Variants in NDUFAF6 observed in about 807,000 individuals in gnomAD.
NDUFAF6 encodes the protein NADH:ubiquinone oxidoreductase complex assembly factor 6, also known as NADH dehydrogenase (ubiquinone) complex I, assembly factor 6.
NDUFAF6 carries 45 observed loss-of-function variants against 40.8 expected under a neutral mutation model. The ratio of observed to expected loss-of-function variants is 1.10; its 90% confidence interval spans 0.87 to 1.42. NDUFAF6 has a LOEUF of 1.42. Among genes scored for constraint, NDUFAF6 ranks in the 40% most tolerant of loss-of-function variants. The pLI is 0.00. For synonymous variants in NDUFAF6, 185 were observed against 155.9 expected, an observed-to-expected ratio of 1.19 and a Z score of -1.39; for missense variants, 435 against 418.5, an observed-to-expected ratio of 1.04 and a Z score of -0.34.
chr8:94,999,422 T>C (rs1201662955), intron 2 of NDUFAF6, among the ~76,000 whole-genome samples: 1 of 135,248 alleles, frequency 7.4e-6, no homozygotes, highest in Non-Finnish European at 1.6e-5. Flanking sequence ...ACACCCAGCC[T>C]CTTTTTTTCT....
downstream of NDUFAF6, among the ~76,000 whole-genome samples, chr8:95,080,872 G>A (rs573109217): frequency 3.9e-5 from 6 of 152,180 alleles, no homozygotes; most frequent in South Asian, 1.2e-3. Context: ...CTTAGCTTTG[G>A]GCCAAGCTGT....
intron 2 of NDUFAF6, among the ~76,000 whole-genome samples, chr8:95,035,133 G>T (rs1478094496): frequency 2.0e-5 from 3 of 151,924 alleles, no homozygotes; most frequent in African/African-American, 7.3e-5. Context: ...CACCCTCCTT[G>T]GCCTCCCAAA....
At chr8:94,965,558 A>G (rs1362297305) in intron 1 of NDUFAF6, among the ~76,000 whole-genome samples, 1 of 152,246 alleles carries the variant, frequency 6.6e-6, no homozygotes, top group African/African-American at 2.4e-5. Context: ...GTGGTTGGCC[A>G]TAGGAATAAG....
At chr8:95,092,578 CTTTTTTTTTTTT>C (rs528845192) in intron 2 of NDUFAF6, among the ~76,000 whole-genome samples, 9 of 77,800 alleles carry the variant, frequency 1.2e-4, no homozygotes, top group Admixed American at 1.1e-3. Context: ...CTCACGAAGC[CTTTTTTTTTTTT>C]TTTTTTTTTT....
downstream of NDUFAF6, among the ~76,000 whole-genome samples, chr8:95,107,693 T>C (rs1809880500): frequency 1.3e-5 from 2 of 152,350 alleles, no homozygotes; most frequent in South Asian, 4.1e-4. Flanking sequence ...TGAGTAAAGC[T>C]ATTATTAAAA....
chr8:94,905,016 A>G (rs1257681058), intron 1 of NDUFAF6, among the ~76,000 whole-genome samples: 1 of 152,138 alleles, frequency 6.6e-6, no homozygotes. Context: ...CCTGGCCAAC[A>G]TGGTGAAACC....
intron 2 of NDUFAF6, among the ~76,000 whole-genome samples, chr8:95,003,647 C>T (rs1484308312): frequency 6.6e-6 from 1 of 152,144 alleles, no homozygotes; most frequent in Non-Finnish European, 1.5e-5. Flanking sequence ...TTTCCATTGG[C>T]GAGTTCTTGC....
chr8:95,115,458 T>G (rs1810112407), intron 4 of NDUFAF6: 1 of 152,134 alleles, frequency 6.6e-6, no homozygotes, highest in South Asian at 2.1e-4. Flanking sequence ...GATGACAGAG[T>G]TATAACAGGA....
chr8:95,069,786 A>G (rs905778802), intron 9 of NDUFAF6, among the ~76,000 whole-genome samples: 30 of 145,808 alleles, frequency 2.1e-4, no homozygotes, highest in Non-Finnish European at 3.6e-4. Context: ...GCGTCAAAAA[A>G]AAAAAAAATT....
intron 2 of NDUFAF6, among the ~76,000 whole-genome samples, chr8:95,084,204 G>A (rs1443831024): frequency 6.6e-6 from 1 of 151,568 alleles, no homozygotes; most frequent in Admixed American, 6.6e-5. Context: ...GTATTCCTAG[G>A]ATTTTTTTTC....
At chr8:94,903,585 A>G (rs1818170219) in intron 1 of NDUFAF6, among the ~76,000 whole-genome samples, 1 of 152,234 alleles carries the variant, frequency 6.6e-6, no homozygotes, top group Non-Finnish European at 1.5e-5. Flanking sequence ...AGCGTGCTTC[A>G]CCAAAGTAGC....
intron 2 of NDUFAF6, chr8:95,033,903 G>C (rs541757199): frequency 2.4e-6 from 1 of 408,922 alleles, no homozygotes; most frequent in African/African-American, 2.0e-5. Flanking sequence ...GGTCAGAAAG[G>C]TAAGGTCTTG....
At chr8:94,968,732 G>C (rs575543841) in intron 1 of NDUFAF6, among the ~76,000 whole-genome samples, 1 of 152,350 alleles carries the variant, frequency 6.6e-6, no homozygotes, top group African/African-American at 2.4e-5. Context: ...GTGGGCAGCA[G>C]ATGGTACCAA....
chr8:95,022,640 G>GA (rs1171112699), upstream of NDUFAF6, among the ~76,000 whole-genome samples: 1 of 149,176 alleles, frequency 6.7e-6, no homozygotes, highest in Non-Finnish European at 1.5e-5. Flanking sequence ...TAGTACGAGA[G>GA]AAACCAGAAG....
At position 95,045,613 on chromosome 8, in the gene NDUFAF6, G is replaced by T; in HGVS notation, c.546G>T (p.Gln182His). 6.2e-7 allele frequency: 1 copy of T among 1,613,312 alleles called. No individual in the cohort carries two copies. The highest frequency in any genetic ancestry group is 8.5e-7 in the Non-Finnish European group (1 of 1,179,560). The change falls in exon 5 of 9, where the codon CAG (glutamine) becomes CAT (histidine). Residue 182 changes from glutamine to histidine, a missense_variant. Gln to His is a conservative substitution (Grantham distance 24). Coordinates refer to ENST00000396124, the MANE Select transcript of NDUFAF6 (RefSeq NM_152416.4). Reference sequence around the variant, plus strand: ...TGGAAAATTATGCTGAAAACACACAGAGCTCTCTTCTTTACTTAACACTAG... The same window carrying T: ...TGGAAAATTATGCTGAAAACACACATAGCTCTCTTCTTTACTTAACACTAG... ...KELENYAENT[Q>H]SSLLYLTLEI...
chr8:94,979,063 CA>C (rs2131570655), intron 1 of NDUFAF6, among the ~76,000 whole-genome samples: 1 of 152,320 alleles, frequency 6.6e-6, no homozygotes, highest in South Asian at 2.1e-4. Flanking sequence ...TAGAGCAAAA[CA>C]GTGTTTGTTT....
At chr8:95,084,512 A>G (rs1335971119) in intron 2 of NDUFAF6, among the ~76,000 whole-genome samples, 1 of 152,170 alleles carries the variant, frequency 6.6e-6, no homozygotes, top group Non-Finnish European at 1.5e-5. Flanking sequence ...TGTTTTTTGC[A>G]TCCTTAGTCT....
At chr8:94,999,421 C>T (rs562133365) in intron 2 of NDUFAF6, among the ~76,000 whole-genome samples, 2 of 151,854 alleles carry the variant, frequency 1.3e-5, no homozygotes, top group African/African-American at 4.8e-5. Context: ...CACACCCAGC[C>T]TCTTTTTTTC....
chr8:95,104,983 G>C (rs1809776923), downstream of NDUFAF6, among the ~76,000 whole-genome samples: 1 of 151,686 alleles, frequency 6.6e-6, no homozygotes, highest in Admixed American at 6.6e-5. Context: ...GAGGGTAAGA[G>C]CAAGTCAAAT....
Sources: allele counts gnomAD v4.1 joint callset (sites outside exome capture counted in the v4.1 genomes callset), GRCh38; gene constraint gnomAD v4.1.1; transcripts MANE v1.5; gene names NCBI Gene and HGNC (gene_info 2026-07-23, HGNC 2026-07-21).